Variants in ZNF563 observed in about 807,000 individuals in gnomAD.
The protein encoded by ZNF563 is zinc finger protein 563.
Under a neutral mutation model 48.5 loss-of-function variants are expected in ZNF563, and 39 were observed. That is an observed-to-expected ratio of 0.80 (90% CI 0.62 to 1.05). The LOEUF (loss-of-function observed/expected upper bound fraction) is 1.05, where lower values mean the gene tolerates loss of function less well. Ranked by LOEUF, ZNF563 falls within the 50% of genes least tolerant of loss-of-function variation. ZNF563 has a pLI of 0.00. For synonymous variants in ZNF563, 168 were observed against 187.9 expected (o/e 0.89, Z 0.87); for missense variants, 538 against 597.0 (o/e 0.90, Z 1.03).
rs1305275567 is a variant in ZNF563 at position 12,319,863 on chromosome 19, T to C, written c.192-30A>G. On this transcript the variant is annotated intron_variant, in intron 3 of 3. Coordinates refer to ENST00000293725, the MANE Select transcript of ZNF563 (RefSeq NM_145276.3). ...AAAAAATGAGTAGTACGTTACTAAA[T>C]AGTTGTTTCTAAATGATTATTTATT... The C allele has an allele frequency of 3.2e-6, 5 of 1,569,724 alleles. No homozygotes were observed. The South Asian group carries it at 3.5e-5, about 11-fold the overall frequency.
At chr19:12,330,789 C>G (rs940364982) in intron 1 of ZNF563, among the ~76,000 whole-genome samples, 4 of 152,194 alleles carry the variant, frequency 2.6e-5, no homozygotes, top group Non-Finnish European at 4.4e-5. Flanking sequence ...TTTATTCACT[C>G]TATTACCTCA....
chr19:12,332,629 T>A (rs1032608513), intron 1 of ZNF563, among the ~76,000 whole-genome samples: 3 of 152,146 alleles, frequency 2.0e-5, no homozygotes, highest in Non-Finnish European at 2.9e-5. Flanking sequence ...CTTGCCCAGA[T>A]AACGCACTTA....
At position 12,319,093 on chromosome 19, in the gene ZNF563, C is replaced by T; in HGVS notation, c.932G>A (p.Cys311Tyr). ...TTHSAEKPYE[C>Y]KQCGKTFHHL... The stretch of plus-strand genomic sequence containing the variant: ...ATGAAATGTTTTCCCGCATTGCTTA[C>T]ACTCATAGGGTTTCTCTGCACTGTG... Residue 311 changes from cysteine (C) to tyrosine (Y), a missense_variant, in exon 4 of 4, where the codon TGT (cysteine) becomes TAT (tyrosine). Transcript: ENST00000293725. The T allele has an allele frequency of 1.2e-6, 2 of 1,614,166 alleles. No homozygotes were observed. Among genetic ancestry groups the T allele is most frequent in the African/African-American group, 1.3e-5 (1 of 75,042 alleles).
intron 1 of ZNF563, among the ~76,000 whole-genome samples, chr19:12,328,198 A>C (rs1242520507): frequency 6.6e-6 from 1 of 152,230 alleles, no homozygotes; most frequent in Non-Finnish European, 1.5e-5. Context: ...TTAAAATAGA[A>C]ATTCCAGGCC....
intron 2 of ZNF563, 130 bp downstream of exon 2, chr19:12,322,455 C>T (rs968159855): frequency 6.0e-6 from 6 of 1,000,382 alleles, no homozygotes; most frequent in Non-Finnish European, 8.2e-6. Context: ...TCAGGGCTGT[C>T]ACCTCTGAAT....
intron 2 of ZNF563, among the ~76,000 whole-genome samples, chr19:12,322,237 G>T (rs1289592996): frequency 5.9e-5 from 9 of 151,762 alleles, no homozygotes. Flanking sequence ...TGTATTTTTA[G>T]TAGAGATGGG....
intron 3 of ZNF563, among the ~76,000 whole-genome samples, chr19:12,320,408 C>G (rs190498462): frequency 1.5e-4 from 22 of 151,166 alleles, no homozygotes; most frequent in Admixed American, 8.6e-4. Flanking sequence ...AGTAGCAGAA[C>G]GATGGTTCAT....
At chr19:12,334,457 G>A (rs1255658247), upstream of ZNF563, among the ~76,000 whole-genome samples, 1 of 152,100 alleles carries the variant, frequency 6.6e-6, no homozygotes, top group Non-Finnish European at 1.5e-5. Flanking sequence ...TGATGAGACT[G>A]GGACACTGAA....
At chr19:12,320,049 C>A (rs991030985) in intron 3 of ZNF563, among the ~76,000 whole-genome samples, 3 of 151,740 alleles carry the variant, frequency 2.0e-5, no homozygotes, top group African/African-American at 7.3e-5. Context: ...CCCAAGTAGC[C>A]GGGATTAGAG....
Position 12,318,818 on chromosome 19 carries a change from C to A in ZNF563, c.1207G>T (p.Val403Phe). 1 of 1,614,100 alleles carries A rather than the reference C, an allele frequency of 6.2e-7. No individual in the cohort carries two copies. Among genetic ancestry groups the A allele is most frequent in the East Asian group, 2.2e-5 (1 of 44,866 alleles). ...HKCKICGKAF[V>F]YPSVCQRHEK... ...TGTCTTTGACATACACTAGGATAAA[C>A]AAAAGCTTTCCCACATATCTTGCAT... Residue 403 changes from valine (V) to phenylalanine (F), a missense_variant, in exon 4 of 4, where the codon GTT becomes TTT. Coordinates refer to ENST00000293725, the MANE Select transcript of ZNF563 (RefSeq NM_145276.3).
At chr19:12,321,646 T>C (rs1407529352) in intron 2 of ZNF563, among the ~76,000 whole-genome samples, 4 of 152,206 alleles carry the variant, frequency 2.6e-5, no homozygotes, top group Non-Finnish European at 4.4e-5. Flanking sequence ...GGTTTCACCA[T>C]GTTGGTCAGG....
At chr19:12,342,617 A>T in the ZNF563 span, among the ~76,000 whole-genome samples, 87 of 151,742 alleles carry the variant, frequency 5.7e-4, 1 homozygote, top group African/African-American at 2.1e-3. Context: ...TACAAAAAAA[A>T]TTAAAAAATC....
rs761699443 is a variant in ZNF563, at chr19:12,319,682, G to T, written c.343C>A (p.His115Asn). The T allele has an allele frequency of 6.8e-6, 11 of 1,614,090 alleles. No individual in the cohort carries two copies. In the East Asian group the frequency reaches 2.5e-4, roughly 36 times the overall value. ...SAECEEVIMG[H>N]LSLNSHIRVD... ...CTGATGTGGCTATTAAGGGATAAAT[G>T]ACCCATTATGACTTCTTCACACTCA... Residue 115 changes from histidine (H) to asparagine (N), a missense_variant, in exon 4 of 4, where the codon CAT (histidine) becomes AAT (asparagine). Physicochemically the swap from His to Asn is moderately conservative, Grantham distance 68 (BLOSUM62 1). Coordinates refer to ENST00000293725, the MANE Select transcript of ZNF563 (RefSeq NM_145276.3).
intron 2 of ZNF563, among the ~76,000 whole-genome samples, 180 bp downstream of exon 2, chr19:12,322,405 T>C (rs890590471): frequency 1.3e-5 from 2 of 152,170 alleles, no homozygotes; most frequent in African/African-American, 4.8e-5. Flanking sequence ...CGGCTTAAGC[T>C]ATGGTGGACA....
the ZNF563 span, among the ~76,000 whole-genome samples, chr19:12,342,112 A>G: frequency 1.3e-5 from 2 of 152,120 alleles, no homozygotes; most frequent in African/African-American, 2.4e-5. Flanking sequence ...CCCAGGCTTA[A>G]ATAATCCTCC....
At chr19:12,333,977 G>A (rs1443525652), upstream of ZNF563, among the ~76,000 whole-genome samples, 1 of 152,228 alleles carries the variant, frequency 6.6e-6, no homozygotes. Context: ...GGAGTCACAA[G>A]TGTTTTGCAG....
At chr19:12,333,221 G>T (rs1327357807) in intron 1 of ZNF563, among the ~76,000 whole-genome samples, 2 of 152,204 alleles carry the variant, frequency 1.3e-5, no homozygotes, top group East Asian at 3.9e-4. Context: ...GGGGGCTGCG[G>T]GCGAGGAGCT....
chr19:12,339,120 T>C, the ZNF563 span, among the ~76,000 whole-genome samples: 1 of 152,116 alleles, frequency 6.6e-6, no homozygotes, highest in Admixed American at 6.6e-5. Flanking sequence ...CTCGTTGTGA[T>C]GTTTACAGTG....
rs139668665 is a variant in ZNF563 at position 12,319,453 on chromosome 19, T to C, written c.572A>G (p.Gln191Arg). The change falls in exon 4 of 4, where the codon CAA becomes CGA. Residue 191 changes from glutamine (Q) to arginine (R), a missense_variant. Coordinates refer to ENST00000293725, the MANE Select transcript of ZNF563 (RefSeq NM_145276.3). ...RRNLRRHMVV[Q>R]GGNRPYKCKL... ...ACATTTATAAGGTCTATTTCCACCT[T>C]GCACTACCATGTGTCTTCGAAGGTT... The C allele has an allele frequency of 1.9e-4, 310 of 1,614,122 alleles. No homozygotes were observed. The highest frequency in any genetic ancestry group is 2.5e-4 in the Non-Finnish European group (298 of 1,180,054).
Sources: gnomAD v4.1 joint callset for allele counts (sites outside exome capture counted in the v4.1 genomes callset) on GRCh38, gnomAD v4.1.1 for gene constraint, MANE v1.5 for transcripts, NCBI Gene and HGNC (gene_info 2026-07-23, HGNC 2026-07-21) for gene names.